Variants in SEPTIN9 observed in about 807,000 individuals in gnomAD.
SEPTIN9 encodes septin 9, also known as septin-9.
A neutral mutation model predicts 56.6 loss-of-function variants in SEPTIN9; 13 were observed. That is an observed-to-expected ratio of 0.23 (90% CI 0.15 to 0.37). The LOEUF (loss-of-function observed/expected upper bound fraction) is 0.37. Ranked by LOEUF, SEPTIN9 falls within the 10% of genes least tolerant of loss-of-function variation. SEPTIN9 has a pLI of 1.00. For missense variants in SEPTIN9, 650 were observed against 823.1 expected (o/e 0.79, Z 2.57); for synonymous variants, 332 against 334.1 (o/e 0.99, Z 0.07).
rs1238801620 is a variant in SEPTIN9, at chr17:77,462,913, A to T, written c.722-19231A>T. On this transcript the variant is annotated intron_variant, in intron 3 of 11. Transcript: ENST00000427177. ...CACCTTGGCCTTCCAAAGTGCTGGG[A>T]TTGTAGGTGTGAGCTGCTGTGCCTA... Among the ~76,000 whole-genome samples, 4 of 152,032 alleles carry T rather than the reference A, an allele frequency of 2.6e-5. No individual in the cohort carries two copies. In the East Asian group the frequency reaches 5.8e-4, roughly 22 times the overall value.
intron 2 of SEPTIN9, among the ~76,000 whole-genome samples, chr17:77,308,728 G>T (rs2032365591): frequency 6.6e-6 from 1 of 152,192 alleles, no homozygotes; most frequent in South Asian, 2.1e-4. Flanking sequence ...GCTTCTGTGG[G>T]GACAGCACAG....
chr17:77,331,205 T>A (rs554969253), intron 2 of SEPTIN9, among the ~76,000 whole-genome samples: 110 of 151,680 alleles, frequency 7.3e-4, no homozygotes, highest in Non-Finnish European at 8.7e-4. Context: ...AAATAAAAAA[T>A]AATAATAATA....
intron 3 of SEPTIN9, among the ~76,000 whole-genome samples, chr17:77,418,688 GCCT>G (rs2036587594): frequency 6.6e-6 from 1 of 152,142 alleles, no homozygotes. Context: ...GGATGTCCAC[GCCT>G]CCTCCTTTCC....
rs554389487 is a variant in SEPTIN9 at position 77,359,674 on chromosome 17, C to T, written c.77-42385C>T. ...CTGAGTGTGGTGGCACCTGTAGACC[C>T]AGCCCCAGCTACTCGAGAGGCTGAG... is the stretch of plus-strand genomic sequence containing the variant. On this transcript the variant is annotated intron_variant, in intron 2 of 11. Coordinates refer to ENST00000427177, the MANE Select transcript of SEPTIN9 (RefSeq NM_001113491.2). Among the ~76,000 whole-genome samples, 9 of 152,214 alleles carry T rather than the reference C, an allele frequency of 5.9e-5. No homozygotes were observed. The South Asian group carries it at 1.0e-3, about 18-fold the overall frequency.
At chr17:77,420,824 C>T (rs1017823269) in intron 3 of SEPTIN9, among the ~76,000 whole-genome samples, 1 of 152,186 alleles carries the variant, frequency 6.6e-6, no homozygotes, top group African/African-American at 2.4e-5. Context: ...GAGGAGAAGG[C>T]TCAGTATGTG....
chr17:77,410,954 G>A (rs1211558267), intron 3 of SEPTIN9, among the ~76,000 whole-genome samples: 2 of 151,956 alleles, frequency 1.3e-5, no homozygotes, highest in Non-Finnish European at 2.9e-5. Flanking sequence ...GCGTGGTGGC[G>A]GGCACCTGTA....
intron 2 of SEPTIN9, among the ~76,000 whole-genome samples, chr17:77,379,504 G>T (rs1001069303): frequency 6.6e-6 from 1 of 152,156 alleles, no homozygotes; most frequent in Admixed American, 6.5e-5. Flanking sequence ...CTGCCTACCC[G>T]TTGGGAGAGA....
In SEPTIN9 at chr17:77,425,430, C is replaced by T. The variant is rs1037033400; in HGVS notation, c.721+22727C>T. Among the ~76,000 whole-genome samples the T allele has an allele frequency of 6.6e-6, 1 of 152,172 alleles. No homozygotes were observed. Among genetic ancestry groups the T allele is most frequent in the Non-Finnish European group, 1.5e-5 (1 of 68,020 alleles). On this transcript the variant is annotated intron_variant, in intron 3 of 11. Coordinates refer to ENST00000427177, the MANE Select transcript of SEPTIN9 (RefSeq NM_001113491.2). This position sits in a 1 kb window ranked among gnomAD's most constrained non-coding sequence, Gnocchi z 4.2. ...TGTGACCGTGTCCCCAGGGTGAAGC[C>T]CACCCGAGTGTCACTCTGGATACAG...
intron 8 of SEPTIN9, among the ~76,000 whole-genome samples, chr17:77,491,351 CCAT>C (rs1218224740): frequency 6.6e-6 from 1 of 152,046 alleles, no homozygotes; most frequent in Non-Finnish European, 1.5e-5. Flanking sequence ...ACGCACACCA[CCAT>C]GTCTGGCTAA....
intron 2 of SEPTIN9, among the ~76,000 whole-genome samples, chr17:77,387,128 C>T (rs976736384): frequency 2.0e-5 from 3 of 152,202 alleles, no homozygotes; most frequent in Non-Finnish European, 4.4e-5. Context: ...GCCCCACGAA[C>T]TTTGGGGGCT....
chr17:77,468,267 A>AC (rs1301841305), intron 3 of SEPTIN9, among the ~76,000 whole-genome samples: 251 of 150,316 alleles, frequency 1.7e-3, no homozygotes, highest in African/African-American at 5.9e-3. Flanking sequence ...TCCATCTCAA[A>AC]AAAAACAAAA....
intron 2 of SEPTIN9, among the ~76,000 whole-genome samples, chr17:77,401,698 G>T (rs1001988914): frequency 2.0e-5 from 3 of 151,706 alleles, no homozygotes; most frequent in Non-Finnish European, 2.9e-5. Context: ...TCCAGCCAGG[G>T]CAACAGAGCA....
intron 3 of SEPTIN9, among the ~76,000 whole-genome samples, chr17:77,458,022 A>AG (rs2038292481): frequency 6.6e-6 from 1 of 152,160 alleles, no homozygotes; most frequent in Non-Finnish European, 1.5e-5. Flanking sequence ...CTCACCCTGA[A>AG]GGGGGGCTGG....
intron 2 of SEPTIN9, among the ~76,000 whole-genome samples, chr17:77,384,114 G>A (rs572439148): frequency 4.6e-5 from 7 of 152,304 alleles, no homozygotes; most frequent in African/African-American, 1.2e-4. Context: ...ACTGTGACCC[G>A]GAGTGGGGTG....
At chr17:77,422,689 C>T (rs985548068) in intron 3 of SEPTIN9, among the ~76,000 whole-genome samples, 4 of 146,762 alleles carry the variant, frequency 2.7e-5, no homozygotes, top group African/African-American at 1.1e-4. Flanking sequence ...CGGGCCCATC[C>T]CCATGAAACT....
chr17:77,484,649 G>A (rs2039621266), intron 4 of SEPTIN9, among the ~76,000 whole-genome samples: 1 of 148,160 alleles, frequency 6.7e-6, no homozygotes, highest in African/African-American at 2.5e-5. Context: ...TGTGATGGGG[G>A]TGGTGGTGGT....
Position 77,500,063 on chromosome 17 carries a change from A to ATAC in SEPTIN9, c.*1405_*1406insTAC. ...ACCTGTCTTGCTCCTGGGGAGAAAG[A>ATAC]GGGGCCTGATGAGACTCCACTCAGG... On this transcript the variant is annotated 3_prime_UTR_variant, in exon 12 of 12. Coordinates refer to ENST00000427177, the MANE Select transcript of SEPTIN9 (RefSeq NM_001113491.2). 1 of 234,512 alleles carries ATAC rather than the reference A, an allele frequency of 4.3e-6. No homozygotes were observed. The highest frequency in any genetic ancestry group is 8.4e-6 in the Non-Finnish European group (1 of 119,090). The allele number at this position is 234,512 out of a possible 1,614,324, so 14.5% of individuals were successfully genotyped here. A position where few individuals can be genotyped will look rare whatever the true frequency, so the allele number is the denominator to read the frequency against.
chr17:77,412,924 A>G (rs533180887), intron 3 of SEPTIN9, among the ~76,000 whole-genome samples: 1 of 152,258 alleles, frequency 6.6e-6, no homozygotes, highest in South Asian at 2.1e-4. Flanking sequence ...CTGAAATTAT[A>G]GGAAAGAATT....
At chr17:77,291,622 A>G (rs927503197) in intron 1 of SEPTIN9, among the ~76,000 whole-genome samples, 4 of 151,950 alleles carry the variant, frequency 2.6e-5, no homozygotes, top group African/African-American at 4.8e-5. Flanking sequence ...AAGAGAGTGA[A>G]ACTCCGTCTC....
Sources: allele counts gnomAD v4.1 joint callset (sites outside exome capture counted in the v4.1 genomes callset), GRCh38; gene constraint gnomAD v4.1.1; non-coding constraint Gnocchi (gnomAD v3.1); transcripts MANE v1.5; gene names NCBI Gene and HGNC (gene_info 2026-07-23, HGNC 2026-07-21).